Variants in MAN1A1 observed in about 807,000 individuals in gnomAD.
MAN1A1 encodes the protein mannosyl-oligosaccharide 1,2-alpha-mannosidase IA.
Under a neutral mutation model 70.8 loss-of-function variants are expected in MAN1A1, and 29 were observed. The ratio of observed to expected loss-of-function variants is 0.41; its 90% CI spans 0.31 to 0.56. MAN1A1 has a LOEUF of 0.56. Among genes scored for constraint, MAN1A1 ranks in the 20% least tolerant of loss-of-function variants. MAN1A1 has a pLI of 0.29. For synonymous variants in MAN1A1, 349 were observed against 330.1 expected, an observed-to-expected ratio of 1.06 and a Z score of -0.62; for missense variants, 747 against 841.3, an observed-to-expected ratio of 0.89 and a Z score of 1.39.
rs1554209499 is a variant in MAN1A1, at chr6:119,260,976, G to GCTTTT, written c.898-12623_898-12622insAAAAG. The stretch of plus-strand genomic sequence containing the variant: ...TATCTAAATGTCTTGTTTTTTTATT[G>GCTTTT]TTTTTTTTTTTTTTTTTTTTGAGAT... On this transcript the variant is annotated intron_variant, in intron 5 of 12. Transcript: ENST00000368468. Among the ~76,000 whole-genome samples the GCTTTT allele has an allele frequency of 6.6e-4, 77 of 116,948 alleles. 27 individuals carry two copies. The highest frequency in any genetic ancestry group is 9.3e-4 in the Non-Finnish European group (55 of 59,040). 76.7% of individuals were successfully genotyped at this position (116,948 alleles called of 152,430 possible).
intron 2 of MAN1A1, among the ~76,000 whole-genome samples, chr6:119,310,742 C>T (rs537231824): frequency 6.6e-6 from 1 of 152,042 alleles, no homozygotes; most frequent in African/African-American, 2.4e-5. Flanking sequence ...ACAAGAAAGG[C>T]AAGGAGAAAA....
intron 4 of MAN1A1, among the ~76,000 whole-genome samples, chr6:119,293,313 T>C (rs1348371478): frequency 2.0e-5 from 3 of 152,088 alleles, no homozygotes; most frequent in African/African-American, 7.2e-5. Flanking sequence ...CAATTACATA[T>C]TCTAAAACCT....
chr6:119,244,741 T>A (rs927397784), intron 6 of MAN1A1, among the ~76,000 whole-genome samples: 2 of 152,138 alleles, frequency 1.3e-5, no homozygotes, highest in African/African-American at 2.4e-5. Flanking sequence ...GAGTACTTAT[T>A]ATCTCTCCTT....
chr6:119,262,465 A>T lies in MAN1A1; in HGVS notation c.898-14111T>A, dbSNP rs183955597. On this transcript the variant is annotated intron_variant, in intron 5 of 12. Transcript: ENST00000368468. ...ATGGCTATTATAAAAAGTAAAAAAA[A>T]AAATAAATAAATAACAGAAGCTGGT... Among the ~76,000 whole-genome samples the T allele has an allele frequency of 1.4e-3, 209 of 152,324 alleles. 1 individual carries two copies. The highest frequency in any genetic ancestry group is 6.2e-3 in the South Asian group (30 of 4,830).
chr6:119,190,376 C>G (rs1413266371), intron 9 of MAN1A1, among the ~76,000 whole-genome samples: 1 of 152,130 alleles, frequency 6.6e-6, no homozygotes, highest in African/African-American at 2.4e-5. Flanking sequence ...AGGAGGTGTT[C>G]TGGGGCCAGA....
Position 119,201,234 on chromosome 6 carries a change from A to C in MAN1A1, c.1210+20T>G. 6.5e-7 allele frequency: 1 copy of C among 1,547,120 alleles called. No individual in the cohort carries two copies. Among genetic ancestry groups the C allele is most frequent in the Non-Finnish European group, 8.9e-7 (1 of 1,119,368 alleles). ...TACAGTACCAAAAAGAGCTATAATA[A>C]TGCAAATCTTCTGACTTACGTTGAC... On this transcript the variant is annotated intron_variant, in intron 8 of 12. Coordinates refer to ENST00000368468, the MANE Select transcript of MAN1A1 (RefSeq NM_005907.4).
intron 6 of MAN1A1, among the ~76,000 whole-genome samples, chr6:119,216,372 G>A (rs772043440): frequency 6.6e-6 from 1 of 152,176 alleles, no homozygotes; most frequent in Admixed American, 6.5e-5. Context: ...ATGGACTGAC[G>A]TGGAGGAACT....
chr6:119,342,148 T>G (rs190882577), intron 2 of MAN1A1, among the ~76,000 whole-genome samples: 140 of 152,318 alleles, frequency 9.2e-4, no homozygotes, highest in African/African-American at 3.1e-3. Flanking sequence ...TACTTAAGTT[T>G]TTTTGGAATT....
At chr6:119,306,296 C>T (rs1461325159) in intron 3 of MAN1A1, among the ~76,000 whole-genome samples, 2 of 152,170 alleles carry the variant, frequency 1.3e-5, no homozygotes, top group African/African-American at 2.4e-5. Flanking sequence ...TGTTACTTAG[C>T]TTCCTTACTT....
chr6:119,277,516 GACTT>G (rs575023615), intron 5 of MAN1A1, among the ~76,000 whole-genome samples: 49 of 151,978 alleles, frequency 3.2e-4, no homozygotes, highest in Non-Finnish European at 6.6e-4. Context: ...CATTAGGTAA[GACTT>G]AATTTATAGA....
chr6:119,280,084 T>A (rs940488669), intron 5 of MAN1A1, among the ~76,000 whole-genome samples: 3 of 152,258 alleles, frequency 2.0e-5, no homozygotes, highest in African/African-American at 7.2e-5. Context: ...CTTTTCTAGC[T>A]CTTTCTTCTC....
At chr6:119,212,960 C>G (rs879642536) in intron 6 of MAN1A1, among the ~76,000 whole-genome samples, 16 of 152,176 alleles carry the variant, frequency 1.1e-4, no homozygotes, top group African/African-American at 3.1e-4. Context: ...AAGGAACCCA[C>G]CGGGAGAAAA....
At chr6:119,214,460 T>C (rs1774141699) in intron 6 of MAN1A1, among the ~76,000 whole-genome samples, 1 of 152,224 alleles carries the variant, frequency 6.6e-6, no homozygotes, top group Non-Finnish European at 1.5e-5. Context: ...CTGCAGTTTA[T>C]AAAATAAGTT....
chr6:119,349,136 G>T lies in MAN1A1; in HGVS notation c.-71C>A, dbSNP rs1389881183. ...AACTTCGCCGCCGCTGGGAGTCCGC[G>T]GCTGCGGGGCTGGGTCCTGCGTAGC... On this transcript the variant is annotated 5_prime_UTR_variant, in exon 2 of 13. Coordinates refer to ENST00000368468, the MANE Select transcript of MAN1A1 (RefSeq NM_005907.4). 3.2e-6 allele frequency: 4 copies of T among 1,256,108 alleles called. No individual in the cohort carries two copies. The highest frequency in any genetic ancestry group is 8.6e-5 in the Admixed American group (2 of 23,354). 77.8% of individuals were successfully genotyped at this position (1,256,108 alleles called of 1,614,324 possible).
chr6:119,280,689 A>T (rs1477246952), intron 5 of MAN1A1, among the ~76,000 whole-genome samples: 1 of 152,254 alleles, frequency 6.6e-6, no homozygotes, highest in Non-Finnish European at 1.5e-5. Context: ...CCTGAAAAAA[A>T]TAACTTTTGT....
At chr6:119,211,599 A>G (rs943498617) in intron 6 of MAN1A1, among the ~76,000 whole-genome samples, 1 of 152,198 alleles carries the variant, frequency 6.6e-6, no homozygotes, top group African/African-American at 2.4e-5. Flanking sequence ...CTTATAGCCA[A>G]TTTAAGGAAA....
chr6:119,265,639 T>C (rs12205826), intron 5 of MAN1A1, among the ~76,000 whole-genome samples: 48,668 of 151,950 alleles, frequency 0.32, 8,232 homozygotes, highest in Non-Finnish European at 0.35. Context: ...AATAAACATA[T>C]TGGTTTTGTG....
intron 2 of MAN1A1, among the ~76,000 whole-genome samples, chr6:119,332,401 A>C (rs1773343518): frequency 6.6e-6 from 1 of 152,248 alleles, no homozygotes; most frequent in African/African-American, 2.4e-5. Context: ...TTTTATTAAA[A>C]GTATAGTTTT....
intron 2 of MAN1A1, among the ~76,000 whole-genome samples, chr6:119,325,217 A>C (rs983031839): frequency 1.3e-5 from 2 of 152,242 alleles, no homozygotes; most frequent in African/African-American, 4.8e-5. Flanking sequence ...AGGTTAAGTA[A>C]CTTGCCCAAG....
Sources: gnomAD v4.1 joint callset for allele counts (sites outside exome capture counted in the v4.1 genomes callset) on GRCh38, gnomAD v4.1.1 for gene constraint, MANE v1.5 for transcripts, NCBI Gene and HGNC (gene_info 2026-07-23, HGNC 2026-07-21) for gene names.